Variants in GRM7 observed in about 807,000 individuals in gnomAD.
GRM7 encodes metabotropic glutamate receptor 7.
A neutral mutation model predicts 84.5 loss-of-function variants in GRM7; 35 were observed. The ratio of observed to expected loss-of-function variants is 0.41; its 90% CI spans 0.32 to 0.55. GRM7 has a LOEUF of 0.55. Ranked by LOEUF, GRM7 falls within the 20% of genes least tolerant of loss-of-function variation. The pLI is 0.19. For missense variants in GRM7, 1,003 were observed against 1,194.6 expected (o/e 0.84, Z 2.36); for synonymous variants, 487 against 455.1 (o/e 1.07, Z -0.89).
At chr3:7,173,131 A>C (rs1016173206) in intron 2 of GRM7, among the ~76,000 whole-genome samples, 6 of 152,238 alleles carry the variant, frequency 3.9e-5, no homozygotes, top group Non-Finnish European at 8.8e-5. Flanking sequence ...TAACAGAGCC[A>C]GTATTTAAAC....
At chr3:7,239,654 C>G (rs147724763) in intron 2 of GRM7, among the ~76,000 whole-genome samples, 265 of 152,174 alleles carry the variant, frequency 1.7e-3, no homozygotes, top group African/African-American at 5.7e-3. Context: ...TGGGCATCAT[C>G]CAGTCTATTA....
intron 7 of GRM7, among the ~76,000 whole-genome samples, chr3:7,568,336 GAT>G (rs1427512579): frequency 2.6e-5 from 4 of 152,218 alleles, no homozygotes; most frequent in Admixed American, 6.5e-5. Context: ...AGCTTTATTG[GAT>G]TTACACTTCC....
At chr3:7,150,292 G>T (rs1694244777) in intron 2 of GRM7, among the ~76,000 whole-genome samples, 1 of 152,062 alleles carries the variant, frequency 6.6e-6, no homozygotes, top group South Asian at 2.1e-4. Flanking sequence ...AAATCCTGAG[G>T]CAGAGGCTAC....
chr3:6,987,024 A>G (rs1694437790), intron 1 of GRM7, among the ~76,000 whole-genome samples: 1 of 152,166 alleles, frequency 6.6e-6, no homozygotes, highest in South Asian at 2.1e-4. Context: ...ACACTATTCA[A>G]CAGTAGTTCT....
chr3:7,201,960 C>T (rs1324840690), intron 2 of GRM7, among the ~76,000 whole-genome samples: 1 of 152,078 alleles, frequency 6.6e-6, no homozygotes, highest in Admixed American at 6.6e-5. Flanking sequence ...CCATGACTGA[C>T]CGTTTTTGCT....
At chr3:7,259,604 G>T (rs1181377008) in intron 2 of GRM7, among the ~76,000 whole-genome samples, 1 of 152,106 alleles carries the variant, frequency 6.6e-6, no homozygotes, top group Non-Finnish European at 1.5e-5. Flanking sequence ...CCATGTTCCT[G>T]CAAAGGACAT....
intron 9 of GRM7, among the ~76,000 whole-genome samples, chr3:7,719,772 A>G (rs1023274055): frequency 5.3e-5 from 7 of 132,188 alleles, no homozygotes; most frequent in African/African-American, 1.7e-4. Context: ...AGATTGCACC[A>G]CTGGGCAACA....
intron 9 of GRM7, among the ~76,000 whole-genome samples, chr3:7,691,795 G>A (rs1397009591): frequency 6.6e-6 from 1 of 152,042 alleles, no homozygotes; most frequent in African/African-American, 2.4e-5. Context: ...CGAGTAGCTG[G>A]GATTACAGGC....
At chr3:7,538,769 C>A (rs1692704144) in intron 7 of GRM7, among the ~76,000 whole-genome samples, 1 of 152,136 alleles carries the variant, frequency 6.6e-6, no homozygotes, top group Non-Finnish European at 1.5e-5. Context: ...ATTCAGAAGG[C>A]ATATTGGCTG....
intron 1 of GRM7, among the ~76,000 whole-genome samples, chr3:6,991,452 A>T (rs1223963696): frequency 2.0e-5 from 3 of 152,218 alleles, no homozygotes; most frequent in Admixed American, 2.0e-4. Context: ...GAAGCAAATG[A>T]GAACATAAGA....
intron 2 of GRM7, among the ~76,000 whole-genome samples, chr3:7,181,219 T>C (rs929398107): frequency 2.0e-5 from 3 of 152,334 alleles, no homozygotes; most frequent in Non-Finnish European, 2.9e-5. Context: ...GCCTTCATAA[T>C]GAGGGGACAT....
chr3:7,009,743 T>C (rs1024825968), intron 1 of GRM7, among the ~76,000 whole-genome samples: 4 of 152,166 alleles, frequency 2.6e-5, no homozygotes, highest in Non-Finnish European at 5.9e-5. Context: ...ACCTTTCAGA[T>C]GCGTGTCTAT....
chr3:7,022,442 A>C (rs1476435265), intron 1 of GRM7, among the ~76,000 whole-genome samples: 5 of 151,666 alleles, frequency 3.3e-5, no homozygotes, highest in African/African-American at 1.2e-4. Flanking sequence ...AGGGAGCTTC[A>C]GTCTTTCTGC....
intron 7 of GRM7, among the ~76,000 whole-genome samples, chr3:7,475,848 A>G (rs545580322): frequency 6.6e-6 from 1 of 152,242 alleles, no homozygotes; most frequent in African/African-American, 2.4e-5. Flanking sequence ...GCCTTCTTTC[A>G]CTGGTCTCTG....
intron 7 of GRM7, among the ~76,000 whole-genome samples, chr3:7,529,622 C>T (rs867441907): frequency 2.6e-5 from 4 of 152,076 alleles, no homozygotes; most frequent in Non-Finnish European, 5.9e-5. Flanking sequence ...AACTTGGTTC[C>T]TAGCCCGTTG....
intron 2 of GRM7, among the ~76,000 whole-genome samples, chr3:7,246,873 A>G (rs1697781069): frequency 6.6e-6 from 1 of 152,150 alleles, no homozygotes; most frequent in Non-Finnish European, 1.5e-5. Flanking sequence ...ATTGAAAAGG[A>G]CAAACATTGT....
At chr3:7,595,749 A>T (rs1696010626) in intron 8 of GRM7, among the ~76,000 whole-genome samples, 1 of 152,076 alleles carries the variant, frequency 6.6e-6, no homozygotes, top group Non-Finnish European at 1.5e-5. Context: ...ATGCAAGGGC[A>T]GGTAGGCGCC....
At chr3:6,911,019 G>T (rs1351149127) in intron 1 of GRM7, among the ~76,000 whole-genome samples, 2 of 152,092 alleles carry the variant, frequency 1.3e-5, no homozygotes, top group African/African-American at 4.8e-5. Flanking sequence ...CCTGGGCCCT[G>T]GTTGATTTCT....
chr3:7,312,936 CTTTTTTTTTT>C (rs372557190), intron 4 of GRM7, among the ~76,000 whole-genome samples: 1 of 127,262 alleles, frequency 7.9e-6, no homozygotes. Flanking sequence ...TTCTTTTTTT[CTTTTTTTTTT>C]TTTTTTTTAT....
Sources: gnomAD v4.1 joint callset for allele counts (sites outside exome capture counted in the v4.1 genomes callset) on GRCh38, gnomAD v4.1.1 for gene constraint, MANE v1.5 for transcripts, NCBI Gene and HGNC (gene_info 2026-07-23, HGNC 2026-07-21) for gene names.